Variants in EIPR1 observed in about 807,000 individuals in gnomAD.
EIPR1 encodes EARP complex and GARP complex interacting protein 1.
In EIPR1, 25 loss-of-function variants were observed where a neutral mutation model predicts 48.1. The observed-to-expected ratio is 0.52, with a 90% CI of 0.38 to 0.73. EIPR1 has a LOEUF of 0.73. EIPR1 is among the 30% of genes least tolerant of loss of function. The probability of loss-of-function intolerance (pLI) is 0.00; values close to 1 mark genes in which losing one functional copy is unlikely to be tolerated. For synonymous variants in EIPR1, 204 were observed against 201.9 expected, an observed-to-expected ratio of 1.01 and a Z score of -0.09; for missense variants, 415 against 506.2, an observed-to-expected ratio of 0.82 and a Z score of 1.73.
intron 3 of EIPR1, chr2:3,318,913 G>A (rs1383435052): frequency 8.5e-6 from 4 of 471,376 alleles, no homozygotes; most frequent in South Asian, 6.2e-5. Context: ...GACAATCGTG[G>A]GACTCTGAGC....
intron 3 of EIPR1, among the ~76,000 whole-genome samples, chr2:3,270,759 C>T (rs780904348): frequency 7.2e-5 from 11 of 152,172 alleles, no homozygotes; most frequent in Non-Finnish European, 1.3e-4. Context: ...GCCTTAATGG[C>T]AAAACTGATG....
intron 8 of EIPR1, among the ~76,000 whole-genome samples, chr2:3,191,235 G>C (rs1664595963): frequency 7.8e-6 from 1 of 127,970 alleles, no homozygotes; most frequent in African/African-American, 3.0e-5. Flanking sequence ...GAGACAATCA[G>C]ATGGGCCCAT....
chr2:3,204,495 C>T (rs1665158644), intron 5 of EIPR1, among the ~76,000 whole-genome samples: 1 of 152,208 alleles, frequency 6.6e-6, no homozygotes, highest in African/African-American at 2.4e-5. Flanking sequence ...AGCAAGAACT[C>T]CACAGGGTGC....
Position 3,219,757 on chromosome 2 carries a change from T to G in EIPR1, c.417-5509A>C, listed in dbSNP as rs1414180315. Among the ~76,000 whole-genome samples the G allele has an allele frequency of 2.6e-5, 4 of 151,466 alleles. No individual in the cohort carries two copies. In the East Asian group the frequency reaches 7.8e-4, roughly 29 times the overall value. The stretch of plus-strand genomic sequence containing the variant: ...GTGCACACCCAACACGGCCCTGGTA[T>G]GCTCTAGAGCTTTCACAGTGAGTCA... On this transcript the variant is annotated intron_variant, in intron 4 of 8. Coordinates refer to ENST00000382125, the MANE Select transcript of EIPR1 (RefSeq NM_003310.5).
chr2:3,206,080 G>A (rs539169363), intron 5 of EIPR1, among the ~76,000 whole-genome samples: 2 of 152,308 alleles, frequency 1.3e-5, no homozygotes, highest in South Asian at 2.1e-4. Flanking sequence ...TGGAGTCCCT[G>A]AGGCCCAGTG....
At chr2:3,369,461 C>G (rs1213052250) in intron 1 of EIPR1, among the ~76,000 whole-genome samples, 2 of 152,190 alleles carry the variant, frequency 1.3e-5, no homozygotes, top group Non-Finnish European at 2.9e-5. Flanking sequence ...TGCAAGGGGT[C>G]AGGGAGTTCC....
intron 4 of EIPR1, among the ~76,000 whole-genome samples, chr2:3,223,580 G>A (rs1301426148): frequency 6.6e-6 from 1 of 152,240 alleles, no homozygotes; most frequent in Non-Finnish European, 1.5e-5. Flanking sequence ...AGTCAGTGAA[G>A]ACTGGTTCAC....
chr2:3,212,311 C>T (rs536154906), intron 5 of EIPR1, among the ~76,000 whole-genome samples: 2 of 152,340 alleles, frequency 1.3e-5, no homozygotes, highest in East Asian at 1.9e-4. Context: ...CTCCACCTGC[C>T]GCATCCTAAC....
intron 3 of EIPR1, among the ~76,000 whole-genome samples, chr2:3,305,216 C>T (rs1668899420): frequency 6.9e-6 from 1 of 144,812 alleles, no homozygotes; most frequent in Non-Finnish European, 1.5e-5. Flanking sequence ...CCGTCCTGTT[C>T]AGCCCTCCAA....
chr2:3,279,400 C>A (rs1053534247), intron 3 of EIPR1, among the ~76,000 whole-genome samples: 1 of 152,144 alleles, frequency 6.6e-6, no homozygotes, highest in East Asian at 1.9e-4. Context: ...TTGAGCCCAG[C>A]GAGGTAGCGT....
chr2:3,214,224 A>G lies in EIPR1; in HGVS notation c.441T>C (p.Asp147=). 2 of 1,613,752 alleles carry G rather than the reference A, an allele frequency of 1.2e-6. No homozygotes were observed. Among genetic ancestry groups the G allele is most frequent in the Non-Finnish European group, 1.7e-6 (2 of 1,179,862 alleles). Residue 147 remains aspartate (D), a synonymous_variant, in exon 5 of 9, where the codon GAT becomes GAC. Coordinates refer to ENST00000382125, the MANE Select transcript of EIPR1 (RefSeq NM_003310.5). The stretch of plus-strand genomic sequence containing the variant: ...CAGCCAAGGAAATGATTTTCTTCCC[A>G]TCTCCCATTGGCTCCCACACGACAC... ...MACVVWEPMG[D]GKKIISLADN... is the part of the protein sequence containing the mutation.
intron 8 of EIPR1, 44 bp downstream of exon 8, chr2:3,192,370 A>C: frequency 6.6e-7 from 1 of 1,519,530 alleles, no homozygotes; most frequent in Non-Finnish European, 8.8e-7. Flanking sequence ...TGCAGACAGG[A>C]GGCTCTGGTA....
At position 3,377,615 on chromosome 2, in the gene EIPR1, C is replaced by T. The variant is rs769335380; in HGVS notation, c.42+33G>A. ...CCGCGCATGCTATCAACAGCCAGGC[C>T]GAGCAGCACCTGCCGCCCTCCCAGT... is the stretch of plus-strand genomic sequence containing the variant. On this transcript the variant is annotated intron_variant, in intron 1 of 8. Coordinates refer to ENST00000382125, the MANE Select transcript of EIPR1 (RefSeq NM_003310.5). The T allele has an allele frequency of 3.2e-6, 5 of 1,559,740 alleles. No individual in the cohort carries two copies. In the African/African-American group the frequency reaches 6.8e-5, roughly 21 times the overall value.
rs1572408719 is a variant in EIPR1, at chr2:3,295,947, C to G, written c.260-38492G>C. 4.4e-5 allele frequency among the ~76,000 whole-genome samples: 6 copies of G among 137,740 alleles called. No homozygotes were observed. In the South Asian group the frequency reaches 1.5e-3, roughly 35 times the overall value. The allele number at this position is 137,740 out of a possible 152,430, so 90.4% of individuals were successfully genotyped here. A position where few individuals can be genotyped will look rare whatever the true frequency, so the allele number is the denominator to read the frequency against. ...CCCATCCTCTCCTTGCACACACACACCCTCCATCCAGCCCATCCTCTCTCT... is the reference window on the plus strand; with the variant it reads ...CCCATCCTCTCCTTGCACACACACAGCCTCCATCCAGCCCATCCTCTCTCT... On this transcript the variant is annotated intron_variant, in intron 3 of 8. Transcript: ENST00000382125.
At chr2:3,266,810 G>C (rs186822086) in intron 3 of EIPR1, among the ~76,000 whole-genome samples, 227 of 152,332 alleles carry the variant, frequency 1.5e-3, no homozygotes, top group Non-Finnish European at 2.6e-3. Flanking sequence ...GAGAGAAAAA[G>C]ACAGGCAGGC....
intron 2 of EIPR1, among the ~76,000 whole-genome samples, chr2:3,343,899 G>A (rs542020674): frequency 2.6e-4 from 40 of 152,062 alleles, no homozygotes; most frequent in African/African-American, 8.7e-4. Flanking sequence ...AAACTCTTGA[G>A]AATTGAAAAA....
intron 2 of EIPR1, among the ~76,000 whole-genome samples, chr2:3,339,842 C>T (rs1390431280): frequency 6.6e-5 from 10 of 152,114 alleles, no homozygotes; most frequent in Admixed American, 2.6e-4. Context: ...CCCAGCTACT[C>T]GGGAGGCTGA....
At chr2:3,309,669 G>A (rs1306133482) in intron 3 of EIPR1, among the ~76,000 whole-genome samples, 1 of 152,164 alleles carries the variant, frequency 6.6e-6, no homozygotes, top group Non-Finnish European at 1.5e-5. Flanking sequence ...GTGGGCGAGG[G>A]AGGTGGGAGT....
At chr2:3,292,096 C>G (rs1668380903) in intron 3 of EIPR1, among the ~76,000 whole-genome samples, 1 of 152,246 alleles carries the variant, frequency 6.6e-6, no homozygotes, top group Admixed American at 6.5e-5. Context: ...TCCATTCTGG[C>G]TCCATGCTAA....
Sources: allele counts gnomAD v4.1 joint callset (sites outside exome capture counted in the v4.1 genomes callset), GRCh38; gene constraint gnomAD v4.1.1; transcripts MANE v1.5; gene names NCBI Gene and HGNC (gene_info 2026-07-23, HGNC 2026-07-21).